SHROOM3: variants seen among roughly 807,000 people sequenced by gnomAD.
SHROOM3 encodes protein Shroom3.
SHROOM3 carries 47 observed loss-of-function variants against 138.6 expected under a neutral mutation model. That is an observed-to-expected ratio of 0.34 (90% CI 0.27 to 0.43). SHROOM3 has a LOEUF of 0.43. SHROOM3 is among the 20% of genes least tolerant of loss of function. The pLI is 1.00. For synonymous variants in SHROOM3, 1,062 were observed against 1,063.3 expected, an observed-to-expected ratio of 1.00 and a Z score of 0.02; for missense variants, 2,491 against 2,596.5, an observed-to-expected ratio of 0.96 and a Z score of 0.88.
At chr4:76,452,172 G>A (rs1730939802) in intron 1 of SHROOM3, among the ~76,000 whole-genome samples, 2 of 152,294 alleles carry the variant, frequency 1.3e-5, no homozygotes, top group African/African-American at 4.8e-5. Context: ...TTTATGTATT[G>A]TTTGGAGACT....
intron 2 of SHROOM3, among the ~76,000 whole-genome samples, chr4:76,607,520 G>C (rs1009188834): frequency 1.3e-5 from 2 of 152,098 alleles, no homozygotes; most frequent in African/African-American, 2.4e-5. Context: ...GTCAATATCT[G>C]AAGACAAATA....
chr4:76,508,666 C>G (rs1732265105), intron 1 of SHROOM3, among the ~76,000 whole-genome samples: 1 of 152,142 alleles, frequency 6.6e-6, no homozygotes, highest in Non-Finnish European at 1.5e-5. Context: ...CAATATAAAG[C>G]CTTCCAATCA....
intron 1 of SHROOM3, among the ~76,000 whole-genome samples, chr4:76,511,211 C>T (rs1265545522): frequency 6.6e-6 from 1 of 151,864 alleles, no homozygotes; most frequent in Non-Finnish European, 1.5e-5. Context: ...AATAATAATG[C>T]CACAGCAATT....
At chr4:76,640,990 G>A (rs917794713) in intron 2 of SHROOM3, among the ~76,000 whole-genome samples, 2 of 152,192 alleles carry the variant, frequency 1.3e-5, no homozygotes, top group South Asian at 2.1e-4. Flanking sequence ...GGAAATGGGG[G>A]ATCGAAGTCC....
intron 3 of SHROOM3, among the ~76,000 whole-genome samples, chr4:76,725,012 A>C (rs1720661228): frequency 6.6e-6 from 1 of 152,190 alleles, no homozygotes; most frequent in East Asian, 1.9e-4. Context: ...GTATGGAAGA[A>C]TCTTATAAAA....
chr4:76,667,172 G>A (rs996694963), intron 2 of SHROOM3, among the ~76,000 whole-genome samples: 2 of 152,122 alleles, frequency 1.3e-5, no homozygotes, highest in Non-Finnish European at 2.9e-5. Context: ...AAGAGTAAAA[G>A]AGTTCTGAGT....
intron 2 of SHROOM3, among the ~76,000 whole-genome samples, chr4:76,681,056 C>T (rs556796108): frequency 9.2e-5 from 14 of 152,282 alleles, no homozygotes; most frequent in African/African-American, 3.4e-4. Context: ...TTGAAGATGG[C>T]CTAAAGGGCC....
At chr4:76,441,578 G>A (rs1308994317) in intron 1 of SHROOM3, among the ~76,000 whole-genome samples, 1 of 151,980 alleles carries the variant, frequency 6.6e-6, no homozygotes, top group Non-Finnish European at 1.5e-5. Context: ...AACATCCTTT[G>A]CCCTTCCTAC....
rs143783745 is a variant in SHROOM3 at position 76,530,220 on chromosome 4, C to T, written c.169-25389C>T. Among the ~76,000 whole-genome samples the T allele has an allele frequency of 4.8e-4, 73 of 152,288 alleles. 1 individual carries two copies. The East Asian group carries it at 9.7e-3, about 20-fold the overall frequency. On this transcript the variant is annotated intron_variant, in intron 1 of 10. Transcript: ENST00000296043. ...TAAATGACTACTGTTTCTGCTGTTT[C>T]GGCAATGGGTTATTGTGATAACACA...
chr4:76,542,440 G>A (rs572513922), intron 1 of SHROOM3, among the ~76,000 whole-genome samples: 1 of 152,326 alleles, frequency 6.6e-6, no homozygotes, highest in East Asian at 1.9e-4. Context: ...TTAATCAGCT[G>A]ACCTCTAGAT....
chr4:76,666,125 G>C (rs1718688390), intron 2 of SHROOM3, among the ~76,000 whole-genome samples: 1 of 152,220 alleles, frequency 6.6e-6, no homozygotes, highest in African/African-American at 2.4e-5. Context: ...TTGACTTACG[G>C]TGGTACCTCT....
At chr4:76,722,227 T>C (rs983274166) in intron 3 of SHROOM3, among the ~76,000 whole-genome samples, 2 of 152,156 alleles carry the variant, frequency 1.3e-5, no homozygotes, top group African/African-American at 4.8e-5. Flanking sequence ...AATGCTTTAC[T>C]ATTCACAATA....
At chr4:76,518,562 C>T (rs1168236214) in intron 1 of SHROOM3, among the ~76,000 whole-genome samples, 1 of 146,102 alleles carries the variant, frequency 6.8e-6, no homozygotes, top group Non-Finnish European at 1.5e-5. Context: ...TTCCTTCCTT[C>T]CTTCTTGCCT....
At chr4:76,751,651 T>C (rs940225088) in intron 6 of SHROOM3, among the ~76,000 whole-genome samples, 7 of 152,170 alleles carry the variant, frequency 4.6e-5, no homozygotes, top group Non-Finnish European at 1.0e-4. Context: ...TATATAAAAA[T>C]GGGCAAAAGA....
intron 3 of SHROOM3, among the ~76,000 whole-genome samples, chr4:76,724,773 CT>C (rs1410554094): frequency 5.3e-5 from 8 of 152,108 alleles, no homozygotes; most frequent in African/African-American, 1.9e-4. Flanking sequence ...ATACTTCATC[CT>C]TTTTAACAGC....
chr4:76,765,235 T>G (rs544778528), intron 9 of SHROOM3, among the ~76,000 whole-genome samples: 2 of 151,956 alleles, frequency 1.3e-5, no homozygotes, highest in African/African-American at 4.8e-5. Context: ...TCTTGTAGAT[T>G]CTGGGCACAG....
In SHROOM3 at chr4:76,436,109, G is replaced by C. The variant is rs369511861; in HGVS notation, c.57G>C (p.Thr19=). The part of the protein sequence containing the change: ...HKPSATLNSN[T]ATKGRYIYLE... ...CTAGTGCCACATTAAACTCTAACAC[G>C]GCCACCAAGGGAAGGTACATTTATC... Residue 19 remains threonine, a synonymous_variant, in exon 1 of 11, where the codon ACG becomes ACC. Transcript: ENST00000296043. The C allele has an allele frequency of 1.4e-5, 23 of 1,613,834 alleles. No individual in the cohort carries two copies. The highest frequency in any genetic ancestry group is 1.9e-5 in the Non-Finnish European group (22 of 1,179,930).
intron 1 of SHROOM3, among the ~76,000 whole-genome samples, chr4:76,534,566 C>T (rs990687127): frequency 2.6e-5 from 4 of 152,090 alleles, no homozygotes; most frequent in South Asian, 4.2e-4. Context: ...TGAATTTAGA[C>T]GTACGTGAAG....
chr4:76,504,336 T>C (rs1426173419), intron 1 of SHROOM3, among the ~76,000 whole-genome samples: 2 of 152,094 alleles, frequency 1.3e-5, no homozygotes, highest in African/African-American at 4.8e-5. Context: ...GTTTTTTGTA[T>C]TTAGTGGAGA....
Sources: gnomAD v4.1 joint callset for allele counts (sites outside exome capture counted in the v4.1 genomes callset) on GRCh38, gnomAD v4.1.1 for gene constraint, MANE v1.5 for transcripts, NCBI Gene and HGNC (gene_info 2026-07-23, HGNC 2026-07-21) for gene names.